Variants in NARS2 observed in about 807,000 individuals in gnomAD.
NARS2 encodes asparaginyl-tRNA synthetase 2, mitochondrial, also known as asparaginyl-tRNA synthetase.
Under a neutral mutation model 62.9 loss-of-function variants are expected in NARS2, and 60 were observed. The ratio of observed to expected loss-of-function variants is 0.95; its 90% CI spans 0.77 to 1.18. The LOEUF is 1.18. Ranked by LOEUF, NARS2 falls within the 50% of genes most tolerant of loss-of-function variation. The pLI, the probability that NARS2 is intolerant of heterozygous loss-of-function variation, is 0.00. For synonymous variants in NARS2, 196 were observed against 200.0 expected, an observed-to-expected ratio of 0.98 and a Z score of 0.17; for missense variants, 619 against 576.4, an observed-to-expected ratio of 1.07 and a Z score of -0.76.
At chr11:78,470,428 A>G (rs1317648192) in intron 9 of NARS2, among the ~76,000 whole-genome samples, 1 of 152,082 alleles carries the variant, frequency 6.6e-6, no homozygotes. Context: ...ACATCCCTCT[A>G]GAGGATTTTA....
At chr11:78,468,039 GAAAAAAA>G (rs779408846) in intron 10 of NARS2, among the ~76,000 whole-genome samples, 1 of 86,086 alleles carries the variant, frequency 1.2e-5, no homozygotes, top group East Asian at 4.1e-4. Context: ...AGTAAGTATT[GAAAAAAA>G]AAAAAAAAAA....
Position 78,443,644 on chromosome 11 carries a change from T to C in NARS2, c.1262+17A>G, listed in dbSNP as rs1447741816. On this transcript the variant is annotated intron_variant, in intron 12 of 13. Coordinates refer to ENST00000281038, the MANE Select transcript of NARS2 (RefSeq NM_024678.6). ...GCTCAATTTCTCAATTGTGTTTCTTTTAGGTCTGACCAGTACCTGGCTAAG... is the reference window on the plus strand; with the variant it reads ...GCTCAATTTCTCAATTGTGTTTCTTCTAGGTCTGACCAGTACCTGGCTAAG... The C allele has an allele frequency of 1.2e-5, 19 of 1,578,840 alleles. No individual in the cohort carries two copies. In the East Asian group the frequency reaches 4.2e-4, roughly 35 times the overall value.
intron 11 of NARS2, among the ~76,000 whole-genome samples, chr11:78,448,661 G>T (rs1299310958): frequency 6.6e-6 from 1 of 152,154 alleles, no homozygotes; most frequent in Non-Finnish European, 1.5e-5. Flanking sequence ...GCCAGGGTTA[G>T]AAAGGTCTAC....
intron 6 of NARS2, among the ~76,000 whole-genome samples, chr11:78,519,488 T>G (rs984005650): frequency 2.6e-5 from 4 of 152,222 alleles, no homozygotes; most frequent in African/African-American, 9.6e-5. Flanking sequence ...TATTGTTATA[T>G]ATTCTTCCAA....
intron 2 of NARS2, among the ~76,000 whole-genome samples, chr11:78,569,722 A>G (rs1218885605): frequency 1.3e-5 from 2 of 152,178 alleles, no homozygotes; most frequent in African/African-American, 4.8e-5. Flanking sequence ...AGATGCTCTG[A>G]CTTAAAATAT....
At position 78,566,194 on chromosome 11, in the gene NARS2, C is replaced by T. The variant is rs769118312; in HGVS notation, c.451G>A (p.Val151Ile). The T allele has an allele frequency of 1.9e-5, 30 of 1,613,034 alleles. No homozygotes were observed. Among genetic ancestry groups the T allele is most frequent in the Admixed American group, 1.2e-4 (7 of 59,948 alleles). The change falls in exon 4 of 14, where the codon GTT becomes ATT. Residue 151 changes from valine (V) to isoleucine (I), a missense_variant. By Grantham distance (29) the Val-to-Ile change is conservative. Coordinates refer to ENST00000281038, the MANE Select transcript of NARS2 (RefSeq NM_024678.6). ...QYPHFRCRTN[V>I]LGSILRIRSE... ...CGAATCCTCAATATAGAACCCAGAA[C>T]GTTAGTCCTACACCTAAAGTGAGGA...
At chr11:78,474,161 T>G (rs1858989842) in intron 9 of NARS2, among the ~76,000 whole-genome samples, 1 of 152,224 alleles carries the variant, frequency 6.6e-6, no homozygotes, top group Non-Finnish European at 1.5e-5. Context: ...TGTTTTCAAA[T>G]TACCTAGTCT....
intron 7 of NARS2, among the ~76,000 whole-genome samples, chr11:78,492,819 A>C (rs1429057284): frequency 2.6e-5 from 4 of 152,178 alleles, no homozygotes; most frequent in Admixed American, 2.6e-4. Flanking sequence ...GAGGAACCTA[A>C]AGATCATGAA....
chr11:78,565,788 G>A (rs1300110351), intron 4 of NARS2, among the ~76,000 whole-genome samples: 4 of 152,180 alleles, frequency 2.6e-5, no homozygotes, highest in Admixed American at 2.0e-4. Context: ...CAAGGCTGTA[G>A]GTCGGGACCT....
intron 6 of NARS2, among the ~76,000 whole-genome samples, chr11:78,495,179 T>C (rs1417090035): frequency 1.3e-5 from 2 of 152,198 alleles, no homozygotes; most frequent in Admixed American, 6.5e-5. Flanking sequence ...TACCAAAGAA[T>C]AAAATTCTAA....
intron 6 of NARS2, among the ~76,000 whole-genome samples, chr11:78,505,449 A>G (rs1860456980): frequency 6.6e-6 from 1 of 151,864 alleles, no homozygotes; most frequent in African/African-American, 2.4e-5. Flanking sequence ...GCATTTTCTG[A>G]TGGAGTTTTT....
intron 11 of NARS2, among the ~76,000 whole-genome samples, chr11:78,451,417 A>T (rs1405179764): frequency 2.0e-5 from 3 of 152,226 alleles, no homozygotes; most frequent in Non-Finnish European, 2.9e-5. Flanking sequence ...ACAAACACAC[A>T]GGCAATTACA....
intron 6 of NARS2, among the ~76,000 whole-genome samples, chr11:78,516,340 G>C (rs1307903910): frequency 6.6e-6 from 1 of 152,150 alleles, no homozygotes; most frequent in East Asian, 1.9e-4. Flanking sequence ...AAAAGGAATA[G>C]AATCTACATC....
Position 78,574,567 on chromosome 11 carries a change from C to G in NARS2, c.-79G>C. 1 of 1,455,302 alleles carries G rather than the reference C, an allele frequency of 6.9e-7. No homozygotes were observed. The highest frequency in any genetic ancestry group is 1.3e-5 in the South Asian group (1 of 75,092). The allele number at this position is 1,455,302 out of a possible 1,614,324, so 90.1% of individuals were successfully genotyped here. On this transcript the variant is annotated 5_prime_UTR_variant, in exon 1 of 14. Coordinates refer to ENST00000281038, the MANE Select transcript of NARS2 (RefSeq NM_024678.6). ...CCCGCCTGCAGCGGCCCTCCTTTCTCAGCTGCTCCCCTTCCGCGGCCGCAG... is the reference window on the plus strand; with the variant it reads ...CCCGCCTGCAGCGGCCCTCCTTTCTGAGCTGCTCCCCTTCCGCGGCCGCAG...
chr11:78,561,148 G>A (rs1388571923), intron 4 of NARS2, among the ~76,000 whole-genome samples: 1 of 152,070 alleles, frequency 6.6e-6, no homozygotes, highest in Non-Finnish European at 1.5e-5. Context: ...CTTAACTAAT[G>A]CTAAACATTA....
intron 6 of NARS2, among the ~76,000 whole-genome samples, chr11:78,523,839 T>C (rs1161075308): frequency 6.6e-6 from 1 of 152,132 alleles, no homozygotes; most frequent in Non-Finnish European, 1.5e-5. Flanking sequence ...GAGTGAATGC[T>C]AATGGAAAAA....
At position 78,526,247 on chromosome 11, in the gene NARS2, T is replaced by A. The variant is rs574028947; in HGVS notation, c.689+2595A>T. On this transcript the variant is annotated intron_variant, in intron 6 of 13. Coordinates refer to ENST00000281038, the MANE Select transcript of NARS2 (RefSeq NM_024678.6). Reference sequence around the variant, plus strand: ...TGCATTATCTTTTCAACTTTCTATATATTAAAAATTATTCCAACATAGAAT... The same window carrying A: ...TGCATTATCTTTTCAACTTTCTATAAATTAAAAATTATTCCAACATAGAAT... Among the ~76,000 whole-genome samples the A allele has an allele frequency of 9.2e-5, 14 of 152,290 alleles. 1 individual carries two copies. The South Asian group carries it at 2.9e-3, about 32-fold the overall frequency.
At chr11:78,558,950 A>G (rs1590864099) in intron 5 of NARS2, among the ~76,000 whole-genome samples, 2 of 152,300 alleles carry the variant, frequency 1.3e-5, no homozygotes, top group South Asian at 2.1e-4. Context: ...TTGCCTCTTC[A>G]AATCTCTCTA....
intron 5 of NARS2, among the ~76,000 whole-genome samples, chr11:78,547,944 G>T (rs924303476): frequency 2.6e-5 from 4 of 152,142 alleles, no homozygotes; most frequent in African/African-American, 9.7e-5. Flanking sequence ...AGTAGGCCAG[G>T]CACGGTGGTT....
Sources: allele counts gnomAD v4.1 joint callset (sites outside exome capture counted in the v4.1 genomes callset), GRCh38; gene constraint gnomAD v4.1.1; transcripts MANE v1.5; gene names NCBI Gene and HGNC (gene_info 2026-07-23, HGNC 2026-07-21).